KDM6B: variants seen among roughly 807,000 people sequenced by gnomAD.
The protein encoded by KDM6B is lysine-specific demethylase 6B.
A neutral mutation model predicts 150.4 loss-of-function variants in KDM6B; 22 were observed. That is an observed-to-expected ratio of 0.15 (90% confidence interval 0.10 to 0.21). The LOEUF (loss-of-function observed/expected upper bound fraction) is 0.21, where lower values mean the gene tolerates loss of function less well. Among genes scored for constraint, KDM6B ranks in the 10% least tolerant of loss-of-function variants. KDM6B has a pLI of 1.00. For missense variants in KDM6B, 1,984 were observed against 2,234.3 expected (o/e 0.89, Z 2.26); for synonymous variants, 1,148 against 921.1 (o/e 1.25, Z -4.46).
At chr17:7,846,355 GC>G in intron 7 of KDM6B, 44 bp from the exon 8 acceptor site, 2 of 1,566,766 alleles carry the variant, frequency 1.3e-6, no homozygotes, top group African/African-American at 1.4e-5. Flanking sequence ...CTGGCTCAGT[GC>G]CCCACCTGAC....
chr17:7,848,979 AC>A lies in KDM6B; in HGVS notation c.2693del (p.Pro898ArgfsTer17). 1 of 1,518,742 alleles carries A rather than the reference AC, an allele frequency of 6.6e-7. No homozygotes were observed. 94.1% of individuals were successfully genotyped at this position (1,518,742 alleles called of 1,614,324 possible). A position where few individuals can be genotyped will look rare whatever the true frequency, so the allele number is the denominator to read the frequency against. ...TCCCGGGCCCCATGACCCCCACCCA[AC>A]CGCCCCCACCCCTATCTCTGCCCCC... is the stretch of plus-strand genomic sequence containing the variant. Reference protein sequence around the residue: ...PVPGPMTPTQPPPPLSLPPAR... With the variant: ...PVPGPMTPTQXPPPLSLPPAR... On this transcript the variant is annotated frameshift_variant, in exon 12 of 24. Transcript: ENST00000448097. LOFTEE classifies it high-confidence loss of function.
chr17:7,850,463 G>GCT (rs146945141), intron 14 of KDM6B, among the ~76,000 whole-genome samples: 1 of 152,184 alleles, frequency 6.6e-6, no homozygotes, highest in Non-Finnish European at 1.5e-5. Flanking sequence ...TGATGTTGGG[G>GCT]CTCTCTCTCA....
rs916051591 is a variant in KDM6B at position 7,844,814 on chromosome 17, G to A, written c.-268-87G>A. The A allele has an allele frequency of 6.4e-6, 1 of 155,912 alleles. No homozygotes were observed. Among genetic ancestry groups the A allele is most frequent in the South Asian group, 1.8e-4 (1 of 5,516 alleles). The allele number at this position is 155,912 out of a possible 1,614,324, so 9.7% of individuals were successfully genotyped here. ...CGCGGGGTCACATCGGGGTCACCCCGGGCTGAGCTCGTCTGACCGGCTCCC... is the reference window on the plus strand; with the variant it reads ...CGCGGGGTCACATCGGGGTCACCCCAGGCTGAGCTCGTCTGACCGGCTCCC... On this transcript the variant is annotated intron_variant, in intron 2 of 23. Transcript: ENST00000448097. The surrounding 1 kb of genome is among the most constrained non-coding windows in gnomAD (Gnocchi z 5.9).
At position 7,843,305 on chromosome 17, in the gene KDM6B, A is replaced by G. The variant is rs1227927395; in HGVS notation, c.-268-1596A>G. Among the ~76,000 whole-genome samples, 2 of 151,964 alleles carry G rather than the reference A, an allele frequency of 1.3e-5. No individual in the cohort carries two copies. Among genetic ancestry groups the G allele is most frequent in the Non-Finnish European group, 2.9e-5 (2 of 67,976 alleles). On this transcript the variant is annotated intron_variant, in intron 2 of 23. Transcript: ENST00000448097. The surrounding 1 kb of genome is among the most constrained non-coding windows in gnomAD (Gnocchi z 4.5). ...GGTGGGGGCAGTCACGGAGGGCCAT[A>G]CTTGACCACAGTTCAGCGCCGTACC... is the stretch of plus-strand genomic sequence containing the variant.
At chr17:7,852,107 C>T (rs368194644) in intron 19 of KDM6B, 42 bp downstream of exon 19, 36 of 1,613,668 alleles carry the variant, frequency 2.2e-5, no homozygotes, top group South Asian at 1.3e-4. Flanking sequence ...GCGTCCCCGC[C>T]CTCGGTCCCC....
chr17:7,837,041 G>T (rs1321375536), intron 1 of KDM6B, among the ~76,000 whole-genome samples: 2 of 152,174 alleles, frequency 1.3e-5, no homozygotes, highest in African/African-American at 4.8e-5. Context: ...GTTTTGTGAG[G>T]GGGAGGGGCA....
chr17:7,845,563 G>C lies in KDM6B; in HGVS notation c.9G>C (p.Arg3=). 1.2e-6 allele frequency: 2 copies of C among 1,614,164 alleles called. No individual in the cohort carries two copies. The highest frequency in any genetic ancestry group is 1.7e-6 in the Non-Finnish European group (2 of 1,180,036). Residue 3 remains arginine (R), a synonymous_variant, in exon 5 of 24, where the codon CGG becomes CGC. Coordinates refer to ENST00000448097, the MANE Select transcript of KDM6B (RefSeq NM_001348716.2). The stretch of plus-strand genomic sequence containing the variant: ...TCCCCAACTCAGGCTGGATGCATCG[G>C]GCAGTGGACCCTCCAGGGGCCCGCG... The part of the protein sequence containing the change: MH[R]AVDPPGARAA...
intron 10 of KDM6B, 43 bp from the exon 11 acceptor site, chr17:7,847,062 C>T (rs1007848461): frequency 3.7e-5 from 59 of 1,610,144 alleles, no homozygotes; most frequent in Non-Finnish European, 4.5e-5. Flanking sequence ...ACAAGTCCCA[C>T]GCTCTCTATT....
At chr17:7,840,059 A>G (rs1349629441) in intron 2 of KDM6B, 35 bp downstream of exon 2, 1 of 152,600 alleles carries the variant, frequency 6.6e-6, no homozygotes, top group Non-Finnish European at 1.5e-5. Context: ...TCTCCTCAGC[A>G]GTCTAACTCT....
In KDM6B at chr17:7,844,531, A is replaced by G. The variant is rs1454450957; in HGVS notation, c.-268-370A>G. On this transcript the variant is annotated intron_variant, in intron 2 of 23. Transcript: ENST00000448097. This position sits in a 1 kb window ranked among gnomAD's most constrained non-coding sequence, Gnocchi z 5.9. ...TGTCACTGGGCGAGGTGAAGTGAGG[A>G]AGGGGAGGGACGTCTTTTTTGCGTT... is the stretch of plus-strand genomic sequence containing the variant. Among the ~76,000 whole-genome samples, 2 of 151,860 alleles carry G rather than the reference A, an allele frequency of 1.3e-5. No homozygotes were observed. Among genetic ancestry groups the G allele is most frequent in the Non-Finnish European group, 2.9e-5 (2 of 67,948 alleles).
At position 7,847,921 on chromosome 17, in the gene KDM6B, A is replaced by C. The variant is rs559831036; in HGVS notation, c.1633A>C (p.Thr545Pro). 12 of 1,294,702 alleles carry C rather than the reference A, an allele frequency of 9.3e-6. No individual in the cohort carries two copies. Among genetic ancestry groups the C allele is most frequent in the South Asian group, 7.0e-5 (6 of 85,266 alleles). The allele number at this position is 1,294,702 out of a possible 1,614,324, so 80.2% of individuals were successfully genotyped here. A position where few individuals can be genotyped will look rare whatever the true frequency, so the allele number is the denominator to read the frequency against. ...VGTQDSHTPP[T>P]PPTPTTSSSN... Reference sequence around the variant, plus strand: ...CACTCAGGATTCTCACACCCCTCCCACTCCCCCAACCCCAACCACCAGCAG... The same window carrying C: ...CACTCAGGATTCTCACACCCCTCCCCCTCCCCCAACCCCAACCACCAGCAG... The change falls in exon 12 of 24, where the codon ACT (threonine) becomes CCT (proline). Residue 545 changes from threonine to proline, a missense_variant. Transcript: ENST00000448097.
intron 11 of KDM6B, 46 bp downstream of exon 11, chr17:7,847,498 T>C (rs1381355665): frequency 1.2e-6 from 2 of 1,613,414 alleles, no homozygotes; most frequent in Admixed American, 3.3e-5. Context: ...GGAGCTTGTC[T>C]TGAGGCAGCC....
Position 7,853,867 on chromosome 17 carries a change from C to T in KDM6B, c.*346C>T, listed in dbSNP as rs971350263. The T allele has an allele frequency of 1.1e-5, 2 of 188,738 alleles. No homozygotes were observed. The highest frequency in any genetic ancestry group is 1.5e-4 in the South Asian group (1 of 6,632). 11.7% of individuals were successfully genotyped at this position (188,738 alleles called of 1,614,324 possible). A position where few individuals can be genotyped will look rare whatever the true frequency, so the allele number is the denominator to read the frequency against. On this transcript the variant is annotated 3_prime_UTR_variant, in exon 24 of 24. Transcript: ENST00000448097. ...ACGGGTTCCCTCACCCTGCCAGCCG[C>T]CCGCCCGCCCGGCGCAGATGCACGC... is the stretch of plus-strand genomic sequence containing the variant.
Position 7,844,795 on chromosome 17 carries a change from GT to G in KDM6B, c.-268-105del, listed in dbSNP as rs1460863637. ...GGGGACCCTAGGTGGGAGCCGCGGG[GT>G]CACATCGGGGTCACCCCGGGCTGAG... On this transcript the variant is annotated intron_variant, in intron 2 of 23. Coordinates refer to ENST00000448097, the MANE Select transcript of KDM6B (RefSeq NM_001348716.2). The surrounding 1 kb of genome is among the most constrained non-coding windows in gnomAD (Gnocchi z 5.9). 1.3e-5 allele frequency: 2 copies of G among 154,024 alleles called. No individual in the cohort carries two copies. The highest frequency in any genetic ancestry group is 4.8e-5 in the African/African-American group (2 of 41,412). 9.5% of individuals were successfully genotyped at this position (154,024 alleles called of 1,614,324 possible).
rs371586563 is a variant in KDM6B at position 7,852,320 on chromosome 17, C to T, written c.4452C>T (p.Asn1484=). The T allele has an allele frequency of 1.0e-4, 166 of 1,612,876 alleles. No individual in the cohort carries two copies. Among genetic ancestry groups the T allele is most frequent in the Middle Eastern group, 3.3e-4 (2 of 5,976 alleles). The change falls in exon 20 of 24, where the codon AAC becomes AAT. Residue 1484 remains asparagine (N), a synonymous_variant. Coordinates refer to ENST00000448097, the MANE Select transcript of KDM6B (RefSeq NM_001348716.2). ...ATGWCNNIAW[N]VGPLTAYQYQ... ...GCTGGTGCAACAACATTGCCTGGAA[C>T]GTGGGGCCCCTCACCGGTGAGAGGG... is the stretch of plus-strand genomic sequence containing the variant.
At chr17:7,835,637 G>A (rs563351741) in intron 1 of KDM6B, among the ~76,000 whole-genome samples, 2 of 152,244 alleles carry the variant, frequency 1.3e-5, no homozygotes, top group East Asian at 3.9e-4. Context: ...GGCAGCCAAT[G>A]GGGAAGGGGG....
In KDM6B at chr17:7,849,251, G is replaced by T. The variant is rs749981813; in HGVS notation, c.2963G>T (p.Arg988Leu). 3.1e-5 allele frequency: 49 copies of T among 1,560,798 alleles called. No individual in the cohort carries two copies. In the Admixed American group the frequency reaches 5.0e-4, roughly 16 times the overall value. Residue 988 changes from arginine (R) to leucine (L), a missense_variant, in exon 12 of 24, where the codon CGG (arginine) becomes CTG (leucine). Around this residue, in one of 13 missense-constraint regions of KDM6B, gnomAD observed 1,379 missense variants for 1,275.6 expected, o/e 1.08. Coordinates refer to ENST00000448097, the MANE Select transcript of KDM6B (RefSeq NM_001348716.2). ...EHQKEHRRHRRACKDSVGRRP... is the reference protein window; with the variant it reads ...EHQKEHRRHRLACKDSVGRRP... ...CAGAAGGAGCATCGGCGGCACAGGCGGGCCTGTAAGGACAGTGTGGGTCGT... is the reference window on the plus strand; with the variant it reads ...CAGAAGGAGCATCGGCGGCACAGGCTGGCCTGTAAGGACAGTGTGGGTCGT...
chr17:7,852,389 C>T (rs2078715553), intron 20 of KDM6B, 53 bp downstream of exon 20: 2 of 1,581,486 alleles, frequency 1.3e-6, no homozygotes, highest in South Asian at 1.1e-5. Context: ...CGGCAAGGGC[C>T]TGGGAGGCTG....
chr17:7,846,565 C>T lies in KDM6B; in HGVS notation c.550-14C>T, dbSNP rs370590592. On this transcript the variant is annotated splice_polypyrimidine_tract_variant and intron_variant, in intron 8 of 23. Coordinates refer to ENST00000448097, the MANE Select transcript of KDM6B (RefSeq NM_001348716.2). ...GCACCCGTGCCATTTTCTCTTCTCT[C>T]TTTTTGTTCTCAGCACAAACGGAAC... 3 of 1,614,088 alleles carry T rather than the reference C, an allele frequency of 1.9e-6. No individual in the cohort carries two copies. Among genetic ancestry groups the T allele is most frequent in the Non-Finnish European group, 2.5e-6 (3 of 1,179,996 alleles).
Sources: gnomAD v4.1 joint callset for allele counts (sites outside exome capture counted in the v4.1 genomes callset) on GRCh38, gnomAD v4.1.1 for gene constraint, gnomAD v4.1.1 regional missense constraint, Gnocchi (gnomAD v3.1) non-coding constraint, MANE v1.5 for transcripts, NCBI Gene and HGNC (gene_info 2026-07-23, HGNC 2026-07-21) for gene names.